SPON1: variants seen among roughly 807,000 people sequenced by gnomAD.
The protein encoded by SPON1 is spondin-1.
Under a neutral mutation model 111.7 loss-of-function variants are expected in SPON1, and 52 were observed. That is an observed-to-expected ratio of 0.47 (90% CI 0.37 to 0.59). The LOEUF is 0.59. SPON1 is among the 20% of genes least tolerant of loss of function. The pLI is 0.00. For missense variants in SPON1, 957 were observed against 1,068.5 expected (o/e 0.90, Z 1.46); for synonymous variants, 410 against 395.8 (o/e 1.04, Z -0.43).
At chr11:14,162,101 C>T (rs545006708) in intron 6 of SPON1, among the ~76,000 whole-genome samples, 28 of 146,708 alleles carry the variant, frequency 1.9e-4, no homozygotes, top group Admixed American at 4.9e-4. Context: ...GAGGTTGCAG[C>T]GAGCTGAGAT....
chr11:14,203,998 TC>T (rs528523223), intron 6 of SPON1, among the ~76,000 whole-genome samples: 11 of 152,220 alleles, frequency 7.2e-5, no homozygotes, highest in Middle Eastern at 3.4e-3. Flanking sequence ...AAACCAGAAA[TC>T]CAGGGTATTT....
intron 6 of SPON1, among the ~76,000 whole-genome samples, chr11:14,149,847 G>A (rs1435681263): frequency 6.6e-6 from 1 of 152,146 alleles, no homozygotes; most frequent in East Asian, 1.9e-4. Context: ...TACCCTCTAT[G>A]ATGTTTGCAC....
chr11:14,145,053 G>A (rs1490496850), intron 6 of SPON1, among the ~76,000 whole-genome samples: 2 of 152,172 alleles, frequency 1.3e-5, no homozygotes, highest in Admixed American at 6.5e-5. Flanking sequence ...TGGTGATAGG[G>A]TAAGGAGTCA....
chr11:14,057,844 C>CAACAAAAAAAAAAA (rs1848757963), intron 3 of SPON1, among the ~76,000 whole-genome samples: 1 of 125,460 alleles, frequency 8.0e-6, no homozygotes, highest in Non-Finnish European at 1.7e-5. Context: ...AAAAAAAAAA[C>CAACAAAAAAAAAAA]AAAACAAAAA....
At position 14,262,880 on chromosome 11, in the gene SPON1, G is replaced by C. The variant is rs368233130; in HGVS notation, c.2165G>C (p.Arg722Pro). The C allele has an allele frequency of 9.9e-6, 16 of 1,613,700 alleles. No individual in the cohort carries two copies. The highest frequency in any genetic ancestry group is 1.3e-5 in the Non-Finnish European group (15 of 1,179,874). Residue 722 changes from arginine to proline, a missense_variant, in exon 15 of 16, where the codon CGA becomes CCA. Physicochemically the swap from Arg to Pro is moderately radical, Grantham distance 103. Coordinates refer to ENST00000576479, the MANE Select transcript of SPON1 (RefSeq NM_006108.4). Reference protein sequence around the residue: ...RKKCRIRKCLRNPSIQKLRWR... With the variant: ...RKKCRIRKCLPNPSIQKLRWR... ...AAGTGCCGCATCCGAAAATGCCTTC[G>C]AAATCCATCCATCCAAAAGCTACGC...
At chr11:14,036,909 CATTG>C (rs2133811396) in intron 2 of SPON1, among the ~76,000 whole-genome samples, 1 of 151,960 alleles carries the variant, frequency 6.6e-6, no homozygotes, top group East Asian at 1.9e-4. Context: ...TTGGATTAAG[CATTG>C]CAGAAGCTTA....
intron 5 of SPON1, among the ~76,000 whole-genome samples, chr11:14,095,878 A>G (rs1479063421): frequency 2.0e-5 from 3 of 152,240 alleles, no homozygotes; most frequent in African/African-American, 7.2e-5. Context: ...CATACAATGA[A>G]CAATAATCCC....
chr11:14,211,503 A>G (rs1350129392), intron 6 of SPON1, among the ~76,000 whole-genome samples: 1 of 152,230 alleles, frequency 6.6e-6, no homozygotes, highest in Non-Finnish European at 1.5e-5. Flanking sequence ...GTGGAAAAAC[A>G]TTCCATGCTC....
At chr11:14,009,821 A>T (rs1355722137) in intron 2 of SPON1, among the ~76,000 whole-genome samples, 2 of 152,184 alleles carry the variant, frequency 1.3e-5, no homozygotes, top group Admixed American at 6.5e-5. Context: ...GAGCTCACTC[A>T]GGTCTCTTTT....
At position 14,254,566 on chromosome 11, in the gene SPON1, C is replaced by T. The variant is rs781875870; in HGVS notation, c.929C>T (p.Thr310Met). ...TCAGCTGAATTTTCCGTGGACAGAA[C>T]GCGCCATTTAATGTCCTTCCTGACC... ...APSAEFSVDR[T>M]RHLMSFLTMM... Residue 310 changes from threonine to methionine, a missense_variant, in exon 8 of 16, where the codon ACG (threonine) becomes ATG (methionine). Physicochemically the swap from Thr to Met is moderately conservative, Grantham distance 81. Coordinates refer to ENST00000576479, the MANE Select transcript of SPON1 (RefSeq NM_006108.4). The T allele has an allele frequency of 3.1e-6, 5 of 1,612,372 alleles. No homozygotes were observed. The highest frequency in any genetic ancestry group is 2.7e-5 in the African/African-American group (2 of 74,884).
At chr11:14,130,287 C>A (rs1299938066) in intron 5 of SPON1, among the ~76,000 whole-genome samples, 1 of 152,048 alleles carries the variant, frequency 6.6e-6, no homozygotes, top group Non-Finnish European at 1.5e-5. Flanking sequence ...ACTCTGGAAA[C>A]AAAGAAATTA....
chr11:13,985,994 A>G (rs1848179621), intron 2 of SPON1, among the ~76,000 whole-genome samples: 1 of 152,106 alleles, frequency 6.6e-6, no homozygotes, highest in Non-Finnish European at 1.5e-5. Flanking sequence ...TTCCAAATCT[A>G]TCATGAAAGT....
At chr11:14,071,924 C>T (rs565577904) in intron 3 of SPON1, among the ~76,000 whole-genome samples, 2 of 152,254 alleles carry the variant, frequency 1.3e-5, no homozygotes, top group African/African-American at 4.8e-5. Context: ...GTCGCAAACT[C>T]CTGACCTCAA....
chr11:14,090,379 C>T (rs1266594881), intron 5 of SPON1, among the ~76,000 whole-genome samples: 1 of 152,124 alleles, frequency 6.6e-6, no homozygotes, highest in African/African-American at 2.4e-5. Context: ...AGTCCTGTGT[C>T]TGGAATTGGT....
chr11:14,048,455 G>A (rs1423790489), intron 3 of SPON1, among the ~76,000 whole-genome samples: 1 of 152,216 alleles, frequency 6.6e-6, no homozygotes, highest in Non-Finnish European at 1.5e-5. Context: ...AGCCCACGTA[G>A]CTGGTTGTGT....
chr11:14,168,132 T>A (rs1167932836), intron 6 of SPON1, among the ~76,000 whole-genome samples: 1 of 152,182 alleles, frequency 6.6e-6, no homozygotes, highest in African/African-American at 2.4e-5. Context: ...CTAGTAGGCA[T>A]GGCTCTCCAT....
intron 5 of SPON1, among the ~76,000 whole-genome samples, chr11:14,085,795 C>T (rs1410580642): frequency 6.6e-6 from 1 of 151,986 alleles, no homozygotes; most frequent in Non-Finnish European, 1.5e-5. Flanking sequence ...GAATTTTTTT[C>T]CATTTGTTTG....
At chr11:14,144,102 G>A (rs1554929063) in intron 6 of SPON1, among the ~76,000 whole-genome samples, 1 of 151,976 alleles carries the variant, frequency 6.6e-6, no homozygotes, top group East Asian at 1.9e-4. Flanking sequence ...TACCTCTGTT[G>A]GTTATGAAAT....
At chr11:14,229,387 A>G (rs1340323963) in intron 6 of SPON1, among the ~76,000 whole-genome samples, 2 of 152,196 alleles carry the variant, frequency 1.3e-5, no homozygotes, top group African/African-American at 2.4e-5. Context: ...GAAGGATCCA[A>G]TGCAAAAGCA....
Sources: gnomAD v4.1 joint callset for allele counts (sites outside exome capture counted in the v4.1 genomes callset) on GRCh38, gnomAD v4.1.1 for gene constraint, MANE v1.5 for transcripts, NCBI Gene and HGNC (gene_info 2026-07-23, HGNC 2026-07-21) for gene names.